The following MYO3B variants were observed in gnomAD, a reference collection of about 807,000 sequenced individuals.
MYO3B encodes the protein myosin-IIIb.
A neutral mutation model predicts 174.6 loss-of-function variants in MYO3B; 156 were observed. The observed-to-expected ratio is 0.89, with a 90% CI of 0.78 to 1.02. MYO3B has a LOEUF of 1.02. Among genes scored for constraint, MYO3B ranks in the 50% least tolerant of loss-of-function variants. The pLI is 0.00. For synonymous variants in MYO3B, 563 were observed against 569.1 expected (o/e 0.99, Z 0.15); for missense variants, 1,632 against 1,639.4 (o/e 1.00, Z 0.08).
intron 12 of MYO3B, among the ~76,000 whole-genome samples, chr2:170,385,420 C>T (rs114235809): frequency 2.0e-5 from 3 of 152,030 alleles, no homozygotes; most frequent in African/African-American, 4.8e-5. Context: ...TTGTGAATAA[C>T]GAAAGATACT....
At chr2:170,314,587 A>T (rs1348521146) in intron 7 of MYO3B, among the ~76,000 whole-genome samples, 1 of 152,206 alleles carries the variant, frequency 6.6e-6, no homozygotes, top group Non-Finnish European at 1.5e-5. Context: ...AAATACATCT[A>T]ATCAGCTTTC....
Position 170,528,500 on chromosome 2 carries a change from G to A in MYO3B, c.3575+8960G>A, listed in dbSNP as rs147073509. ...AGCTCACTGCAACCTCTGCCTCCCGGGTTTAACCGATTCTCCTGCCTCAGC... is the reference window on the plus strand; with the variant it reads ...AGCTCACTGCAACCTCTGCCTCCCGAGTTTAACCGATTCTCCTGCCTCAGC... On this transcript the variant is annotated intron_variant, in intron 30 of 34. Coordinates refer to ENST00000408978, the MANE Select transcript of MYO3B (RefSeq NM_138995.5). Among the ~76,000 whole-genome samples, 32 of 152,224 alleles carry A rather than the reference G, an allele frequency of 2.1e-4. 1 individual carries two copies. In the East Asian group the frequency reaches 6.2e-3, roughly 29 times the overall value.
intron 7 of MYO3B, among the ~76,000 whole-genome samples, chr2:170,287,911 A>G (rs949804098): frequency 2.6e-5 from 4 of 152,236 alleles, no homozygotes; most frequent in African/African-American, 9.6e-5. Context: ...GTATGGAGAG[A>G]GACTGGGGTC....
intron 18 of MYO3B, 47 bp from the exon 19 acceptor site, chr2:170,402,801 G>A (rs754183599): frequency 2.0e-6 from 3 of 1,537,322 alleles, no homozygotes; most frequent in Non-Finnish European, 2.7e-6. Flanking sequence ...TCCTCTTTAG[G>A]TGGGTGTTTC....
chr2:170,572,222 G>A (rs145460319), intron 32 of MYO3B, among the ~76,000 whole-genome samples: 109 of 152,230 alleles, frequency 7.2e-4, no homozygotes, highest in African/African-American at 2.6e-3. Flanking sequence ...GAGGTCAGGG[G>A]TTCGAGACCA....
At chr2:170,520,955 A>G (rs1391526429) in intron 30 of MYO3B, among the ~76,000 whole-genome samples, 1 of 152,126 alleles carries the variant, frequency 6.6e-6, no homozygotes. Context: ...AATGAAACTC[A>G]CCTTTCTTAT....
intron 8 of MYO3B, among the ~76,000 whole-genome samples, chr2:170,355,471 G>C (rs902595294): frequency 6.6e-6 from 1 of 152,188 alleles, no homozygotes; most frequent in African/African-American, 2.4e-5. Context: ...TCATTATCCT[G>C]CCTCTTTATC....
chr2:170,479,572 TATAC>T (rs1458565783), intron 25 of MYO3B, among the ~76,000 whole-genome samples: 8 of 146,526 alleles, frequency 5.5e-5, no homozygotes, highest in East Asian at 2.0e-4. Context: ...ATGTTTTATA[TATAC>T]ATACATCTAT....
chr2:170,620,365 C>A (rs1459337809), intron 32 of MYO3B, among the ~76,000 whole-genome samples: 1 of 152,280 alleles, frequency 6.6e-6, no homozygotes, highest in East Asian at 1.9e-4. Flanking sequence ...AGACAGAGTG[C>A]CTGAGCTGGA....
chr2:170,214,855 T>A (rs748643739), intron 5 of MYO3B, 27 bp downstream of exon 5: 1 of 1,569,184 alleles, frequency 6.4e-7, no homozygotes, highest in Non-Finnish European at 8.8e-7. Flanking sequence ...GTTTGTTTTC[T>A]TGACGTGTGC....
chr2:170,568,028 C>T (rs1343319409), intron 32 of MYO3B, among the ~76,000 whole-genome samples: 1 of 152,110 alleles, frequency 6.6e-6, no homozygotes, highest in African/African-American at 2.4e-5. Context: ...TATTGATACC[C>T]TCAGCTTTCA....
intron 6 of MYO3B, among the ~76,000 whole-genome samples, chr2:170,234,635 C>A (rs1028591799): frequency 6.6e-6 from 1 of 152,104 alleles, no homozygotes; most frequent in Non-Finnish European, 1.5e-5. Flanking sequence ...TCGAAGTGTC[C>A]CAGGCATCTG....
intron 28 of MYO3B, among the ~76,000 whole-genome samples, chr2:170,503,379 G>A (rs1388331609): frequency 6.6e-6 from 1 of 151,864 alleles, no homozygotes; most frequent in African/African-American, 2.4e-5. Context: ...TTTCAGTGGA[G>A]CACCTATGGG....
At chr2:170,556,144 C>T (rs964700510) in intron 32 of MYO3B, among the ~76,000 whole-genome samples, 9 of 151,366 alleles carry the variant, frequency 5.9e-5, no homozygotes, top group Non-Finnish European at 8.8e-5. Flanking sequence ...TGCAGTGAGC[C>T]GAGATCACGC....
Position 170,281,426 on chromosome 2 carries a change from C to T in MYO3B, c.749+45290C>T, listed in dbSNP as rs2093509479. On this transcript the variant is annotated intron_variant, in intron 7 of 34. Transcript: ENST00000408978. The stretch of plus-strand genomic sequence containing the variant: ...AAATCACACCAAACACACTCTTGGA[C>T]CACAGTGCAATAAAAATAGGATTCA... 3.9e-5 allele frequency among the ~76,000 whole-genome samples: 6 copies of T among 152,224 alleles called. 1 individual carries two copies. The South Asian group carries it at 1.2e-3, about 32-fold the overall frequency.
chr2:170,554,355 A>G (rs142783258), intron 32 of MYO3B, among the ~76,000 whole-genome samples: 213 of 152,294 alleles, frequency 1.4e-3, no homozygotes, highest in Middle Eastern at 0.014. Context: ...AGAACAAGGG[A>G]TGTACTCCAC....
At chr2:170,405,685 C>T in intron 21 of MYO3B, 52 bp downstream of exon 21, 1 of 1,375,156 alleles carries the variant, frequency 7.3e-7, no homozygotes, top group Non-Finnish European at 1.0e-6. Context: ...GGGTAAGTGT[C>T]TGTATTACCC....
intron 1 of MYO3B, among the ~76,000 whole-genome samples, chr2:170,190,535 T>C (rs1053743821): frequency 6.6e-6 from 1 of 152,080 alleles, no homozygotes; most frequent in Non-Finnish European, 1.5e-5. Flanking sequence ...TGCTCTATTA[T>C]ACTGAGGCTG....
chr2:170,293,138 T>A (rs68004143), intron 7 of MYO3B, among the ~76,000 whole-genome samples: 30,491 of 151,978 alleles, frequency 0.2, 4,054 homozygotes, highest in African/African-American at 0.35. Flanking sequence ...ATCCTCATAT[T>A]TGACTTCTGG....
Sources: allele counts gnomAD v4.1 joint callset (sites outside exome capture counted in the v4.1 genomes callset), GRCh38; gene constraint gnomAD v4.1.1; transcripts MANE v1.5; gene names NCBI Gene and HGNC (gene_info 2026-07-23, HGNC 2026-07-21).